Variants in FOXN2 observed in about 807,000 individuals in gnomAD.
The protein encoded by FOXN2 is forkhead box protein N2.
FOXN2 carries 19 observed loss-of-function variants against 41.2 expected under a neutral mutation model. The observed-to-expected ratio is 0.46, with a 90% CI of 0.32 to 0.68. FOXN2 has a LOEUF of 0.68. Ranked by LOEUF, FOXN2 falls within the 30% of genes least tolerant of loss-of-function variation. The pLI is 0.03. For missense variants in FOXN2, 587 were observed against 509.4 expected, an observed-to-expected ratio of 1.15 and a Z score of -1.47; for synonymous variants, 195 against 176.8, an observed-to-expected ratio of 1.10 and a Z score of -0.82.
At chr2:48,361,143 G>C (rs1672149977) in intron 4 of FOXN2, among the ~76,000 whole-genome samples, 1 of 151,976 alleles carries the variant, frequency 6.6e-6, no homozygotes. Context: ...AAGTTTAAAT[G>C]TTAAAAGTGA....
chr2:48,315,700 C>T (rs1487043476), intron 1 of FOXN2, among the ~76,000 whole-genome samples: 1 of 152,170 alleles, frequency 6.6e-6, no homozygotes, highest in Non-Finnish European at 1.5e-5. Flanking sequence ...CGTGCTCCAT[C>T]CTCCACTACT....
chr2:48,362,454 A>C (rs960771111), intron 4 of FOXN2, among the ~76,000 whole-genome samples, 189 bp from the exon 5 acceptor site: 3 of 152,130 alleles, frequency 2.0e-5, no homozygotes, highest in African/African-American at 7.2e-5. Context: ...TTGTGGTCCC[A>C]GCCACTCAGG....
At chr2:48,335,902 C>T (rs1054874823) in intron 2 of FOXN2, among the ~76,000 whole-genome samples, 10 of 151,862 alleles carry the variant, frequency 6.6e-5, no homozygotes, top group Non-Finnish European at 1.5e-4. Context: ...GTGGCAGGCG[C>T]CTATAGTCCC....
chr2:48,316,045 T>C (rs577805011), intron 1 of FOXN2, among the ~76,000 whole-genome samples: 2 of 152,234 alleles, frequency 1.3e-5, no homozygotes, highest in African/African-American at 4.8e-5. Context: ...CTGAGTGTAA[T>C]AGAGTGCGCT....
intron 2 of FOXN2, among the ~76,000 whole-genome samples, chr2:48,334,029 G>T (rs1342800845): frequency 6.6e-6 from 1 of 152,024 alleles, no homozygotes; most frequent in East Asian, 1.9e-4. Flanking sequence ...TACCATTGAG[G>T]ACTAAGATAT....
At chr2:48,339,784 C>G (rs1049829351) in intron 2 of FOXN2, among the ~76,000 whole-genome samples, 4 of 152,126 alleles carry the variant, frequency 2.6e-5, no homozygotes, top group Non-Finnish European at 5.9e-5. Context: ...GATGTATACT[C>G]AAGAGAAATT....
intron 2 of FOXN2, among the ~76,000 whole-genome samples, chr2:48,340,113 C>G (rs1050453710): frequency 6.6e-6 from 1 of 152,156 alleles, no homozygotes; most frequent in African/African-American, 2.4e-5. Context: ...TTAACTCGGT[C>G]TTTAATCAGT....
chr2:48,368,904 TG>T (rs1672706495), intron 5 of FOXN2, among the ~76,000 whole-genome samples: 1 of 152,198 alleles, frequency 6.6e-6, no homozygotes, highest in Non-Finnish European at 1.5e-5. Flanking sequence ...CACAGTTAAT[TG>T]GCAAGGCATT....
intron 3 of FOXN2, among the ~76,000 whole-genome samples, chr2:48,353,265 A>G (rs1003396319): frequency 1.3e-5 from 2 of 152,132 alleles, no homozygotes; most frequent in South Asian, 4.1e-4. Context: ...CCACAAGACT[A>G]CTTGCTATTC....
intron 3 of FOXN2, among the ~76,000 whole-genome samples, chr2:48,356,830 C>T (rs1030638100): frequency 1.3e-5 from 2 of 152,160 alleles, no homozygotes; most frequent in South Asian, 4.1e-4. Context: ...TTCAAAATTT[C>T]TTCAAAACCT....
At chr2:48,371,115 G>A (rs1340490670) in intron 5 of FOXN2, among the ~76,000 whole-genome samples, 1 of 152,174 alleles carries the variant, frequency 6.6e-6, no homozygotes. Flanking sequence ...CTGGCGGAGG[G>A]GGTGGGGCGC....
chr2:48,375,234 G>A lies in FOXN2; in HGVS notation c.1087G>A (p.Gly363Arg), dbSNP rs777287348. The A allele has an allele frequency of 2.5e-6, 4 of 1,614,102 alleles. No individual in the cohort carries two copies. Among genetic ancestry groups the A allele is most frequent in the Non-Finnish European group, 3.4e-6 (4 of 1,180,014 alleles). ...CGTTGATTATGAAGATGATCCTCTT[G>A]GAGACAGTGGCTATGCATCACAGCC... Reference protein sequence around the residue: ...TDVDYEDDPLGDSGYASQPCA... With the variant: ...TDVDYEDDPLRDSGYASQPCA... The change falls in exon 7 of 7, where the codon GGA becomes AGA. Residue 363 changes from glycine (G) to arginine (R), a missense_variant. By Grantham distance (125) the Gly-to-Arg change is moderately radical. Coordinates refer to ENST00000340553, the MANE Select transcript of FOXN2 (RefSeq NM_002158.4).
intron 3 of FOXN2, among the ~76,000 whole-genome samples, chr2:48,351,505 G>A (rs189584974): frequency 6.6e-6 from 1 of 152,290 alleles, no homozygotes; most frequent in African/African-American, 2.4e-5. Flanking sequence ...TTGACGCTAG[G>A]GACTGGTTTT....
chr2:48,322,537 C>G (rs1045911240), intron 1 of FOXN2, among the ~76,000 whole-genome samples: 5 of 152,190 alleles, frequency 3.3e-5, no homozygotes, highest in East Asian at 3.9e-4. Flanking sequence ...ACTCCCCCCT[C>G]CTTTTTTTCT....
At chr2:48,335,286 T>C (rs979331853) in intron 2 of FOXN2, among the ~76,000 whole-genome samples, 1 of 152,048 alleles carries the variant, frequency 6.6e-6, no homozygotes, top group Non-Finnish European at 1.5e-5. Context: ...GAAATGAAAA[T>C]AGTAATTGAA....
chr2:48,343,244 A>G (rs1298657295), intron 2 of FOXN2, among the ~76,000 whole-genome samples: 1 of 152,204 alleles, frequency 6.6e-6, no homozygotes, highest in Non-Finnish European at 1.5e-5. Flanking sequence ...CCTTATTAAC[A>G]ATGAATTTCA....
At chr2:48,321,899 G>A (rs1669348795) in intron 1 of FOXN2, among the ~76,000 whole-genome samples, 1 of 152,196 alleles carries the variant, frequency 6.6e-6, no homozygotes, top group African/African-American at 2.4e-5. Context: ...AGGTCTAGTG[G>A]CTGAGATAGA....
chr2:48,353,078 G>GGT (rs1252541777), intron 3 of FOXN2, among the ~76,000 whole-genome samples: 14 of 152,076 alleles, frequency 9.2e-5, no homozygotes, highest in African/African-American at 4.8e-5. Flanking sequence ...TGTGTGACTT[G>GGT]GTAAAGTTAG....
chr2:48,319,220 G>A (rs1669128966), intron 1 of FOXN2, among the ~76,000 whole-genome samples: 1 of 151,354 alleles, frequency 6.6e-6, no homozygotes, highest in African/African-American at 2.4e-5. Context: ...AAATAACAGG[G>A]ACCCTGGTCT....
Sources: allele counts gnomAD v4.1 joint callset (sites outside exome capture counted in the v4.1 genomes callset), GRCh38; gene constraint gnomAD v4.1.1; transcripts MANE v1.5; gene names NCBI Gene and HGNC (gene_info 2026-07-23, HGNC 2026-07-21).